The following KATNA1 variants were observed in gnomAD, a reference collection of about 807,000 sequenced individuals.
The protein encoded by KATNA1 is katanin p60 ATPase-containing subunit A1.
Under a neutral mutation model 62.6 loss-of-function variants are expected in KATNA1, and 42 were observed. The ratio of observed to expected loss-of-function variants is 0.67; its 90% CI spans 0.52 to 0.87. The LOEUF is 0.87. KATNA1 is among the 40% of genes least tolerant of loss of function. The probability of loss-of-function intolerance (pLI) is 0.00; values close to 1 mark genes in which losing one functional copy is unlikely to be tolerated. For synonymous variants in KATNA1, 186 were observed against 201.9 expected, an observed-to-expected ratio of 0.92 and a Z score of 0.67; for missense variants, 498 against 612.5, an observed-to-expected ratio of 0.81 and a Z score of 1.97.
Position 149,632,754 on chromosome 6 carries a change from C to G in KATNA1, c.320+5G>C. ...TAACTGGTTTCTTAAAAGGTTTCCA[C>G]TTACCTTCGTTCAACAGGTACAGGC... On this transcript the variant is annotated splice_donor_5th_base_variant and intron_variant, in intron 3 of 10. Transcript: ENST00000367411. 6.3e-7 allele frequency: 1 copy of G among 1,599,260 alleles called. No individual in the cohort carries two copies. The highest frequency in any genetic ancestry group is 8.5e-7 in the Non-Finnish European group (1 of 1,176,402).
At chr6:149,617,468 A>G (rs1779205398) in intron 4 of KATNA1, among the ~76,000 whole-genome samples, 1 of 152,260 alleles carries the variant, frequency 6.6e-6, no homozygotes, top group Admixed American at 6.5e-5. Flanking sequence ...ATACTTAGGT[A>G]TAAAAGCTAA....
intron 2 of KATNA1, 124 bp downstream of exon 2, chr6:149,638,262 C>T: frequency 1.1e-6 from 1 of 888,268 alleles, no homozygotes; most frequent in Middle Eastern, 2.4e-4. Context: ...GAGTGAGCCA[C>T]TGTGTACTGT....
At chr6:149,622,234 G>A (rs1022500609) in intron 4 of KATNA1, among the ~76,000 whole-genome samples, 4 of 151,696 alleles carry the variant, frequency 2.6e-5, no homozygotes, top group Non-Finnish European at 4.4e-5. Context: ...TCGGGTTCAC[G>A]CCATTCTCCT....
intron 4 of KATNA1, among the ~76,000 whole-genome samples, chr6:149,608,427 C>T (rs1041377567): frequency 1.3e-5 from 2 of 152,164 alleles, no homozygotes; most frequent in East Asian, 3.9e-4. Context: ...GAAGCTTGCT[C>T]TTTCTAGGCA....
At chr6:149,620,350 G>A (rs1348247003) in intron 4 of KATNA1, among the ~76,000 whole-genome samples, 1 of 152,170 alleles carries the variant, frequency 6.6e-6, no homozygotes, top group East Asian at 1.9e-4. Context: ...CCAGGCTGGA[G>A]TGCAGTGGCG....
Position 149,632,853 on chromosome 6 carries a change from A to C in KATNA1, c.226T>G (p.Phe76Val), listed in dbSNP as rs1779903454. Reference protein sequence around the residue: ...VKDIMKTLESFKLDSTPLKAA... With the variant: ...VKDIMKTLESVKLDSTPLKAA... Reference sequence around the variant, plus strand: ...TTCAAGGGAGTGCTGTCCAGTTTAAAGCTCTCTAGTGTTTTCATGATATCT... The same window carrying C: ...TTCAAGGGAGTGCTGTCCAGTTTAACGCTCTCTAGTGTTTTCATGATATCT... The change falls in exon 3 of 11, where the codon TTT becomes GTT. Residue 76 changes from phenylalanine to valine, a missense_variant. Around this residue, in one of 3 missense-constraint regions of KATNA1, gnomAD observed 203 missense variants for 198.4 expected, o/e 1.02. Transcript: ENST00000367411. 1.2e-6 allele frequency: 2 copies of C among 1,613,364 alleles called. No individual in the cohort carries two copies. The highest frequency in any genetic ancestry group is 2.7e-5 in the African/African-American group (2 of 74,866).
Position 149,600,194 on chromosome 6 carries a change from T to TAAA in KATNA1, c.888+1397_888+1399dup, listed in dbSNP as rs67468519. On this transcript the variant is annotated intron_variant, in intron 7 of 10. Transcript: ENST00000367411. ...TGTGCAATATAGTGAGAGCTTATCT[T>TAAA]AAAAAAAAAAAAAAAAAAAAAAAAA... is the stretch of plus-strand genomic sequence containing the variant. Among the ~76,000 whole-genome samples, 424 of 67,978 alleles carry TAAA rather than the reference T, an allele frequency of 6.2e-3. 16 individuals are homozygous for TAAA. The highest frequency in any genetic ancestry group is 0.018 in the Admixed American group (89 of 4,820). The allele number at this position is 67,978 out of a possible 152,430, so 44.6% of individuals were successfully genotyped here. A position where few individuals can be genotyped will look rare whatever the true frequency, so the allele number is the denominator to read the frequency against.
At chr6:149,622,789 A>G (rs1339938670) in intron 4 of KATNA1, among the ~76,000 whole-genome samples, 1 of 151,474 alleles carries the variant, frequency 6.6e-6, no homozygotes, top group Non-Finnish European at 1.5e-5. Context: ...GCGCGCAGAT[A>G]ACCTGAGGTA....
chr6:149,614,961 C>T (rs902582702), intron 4 of KATNA1, among the ~76,000 whole-genome samples: 2 of 151,740 alleles, frequency 1.3e-5, no homozygotes, highest in African/African-American at 2.4e-5. Context: ...ATGGTGAAAC[C>T]GTCTCTACTA....
At chr6:149,625,919 G>GC (rs1251025378) in intron 3 of KATNA1, among the ~76,000 whole-genome samples, 1 of 139,148 alleles carries the variant, frequency 7.2e-6, no homozygotes, top group Non-Finnish European at 1.5e-5. Flanking sequence ...GGGTGACAGA[G>GC]CGAGACTCCA....
intron 4 of KATNA1, among the ~76,000 whole-genome samples, chr6:149,615,738 A>G (rs1490767832): frequency 6.6e-6 from 1 of 152,152 alleles, no homozygotes; most frequent in African/African-American, 2.4e-5. Flanking sequence ...GCATTATGAT[A>G]TAGTACACTG....
chr6:149,642,709 A>G (rs971079032), intron 1 of KATNA1, among the ~76,000 whole-genome samples: 1 of 152,252 alleles, frequency 6.6e-6, no homozygotes, highest in Non-Finnish European at 1.5e-5. Context: ...GTCATTTTAT[A>G]AATTAAAAAT....
chr6:149,597,276 G>C, intron 9 of KATNA1, 87 bp from the exon 10 acceptor site: 1 of 1,408,504 alleles, frequency 7.1e-7, no homozygotes, highest in South Asian at 1.3e-5. Flanking sequence ...GTGAGATGTT[G>C]TCTTCCAGTA....
At chr6:149,620,178 G>C (rs1478225913) in intron 4 of KATNA1, among the ~76,000 whole-genome samples, 1 of 152,148 alleles carries the variant, frequency 6.6e-6, no homozygotes. Flanking sequence ...GGTTACTAGA[G>C]GCTGGGATGG....
chr6:149,629,392 G>A (rs1022330229), intron 3 of KATNA1, among the ~76,000 whole-genome samples: 2 of 152,112 alleles, frequency 1.3e-5, no homozygotes, highest in African/African-American at 4.8e-5. Context: ...GTCTGCTCAG[G>A]AAGAGAGCCC....
chr6:149,614,843 C>T (rs1383056886), intron 4 of KATNA1, among the ~76,000 whole-genome samples: 1 of 152,088 alleles, frequency 6.6e-6, no homozygotes, highest in Non-Finnish European at 1.5e-5. Context: ...ACTGCAAAAA[C>T]TCAACTAAAT....
chr6:149,597,285 T>C, intron 9 of KATNA1, 96 bp from the exon 10 acceptor site: 1 of 1,364,438 alleles, frequency 7.3e-7, no homozygotes, highest in Non-Finnish European at 1.0e-6. Context: ...TGTCTTCCAG[T>C]AAGAATTGGA....
At chr6:149,628,695 C>G (rs1779715670) in intron 3 of KATNA1, among the ~76,000 whole-genome samples, 1 of 151,760 alleles carries the variant, frequency 6.6e-6, no homozygotes, top group African/African-American at 2.4e-5. Context: ...TGGCACACAC[C>G]TGTAGTCCCA....
At chr6:149,630,169 T>G (rs968811651) in intron 3 of KATNA1, among the ~76,000 whole-genome samples, 1 of 152,252 alleles carries the variant, frequency 6.6e-6, no homozygotes, top group East Asian at 1.9e-4. Flanking sequence ...TTTTCTATTT[T>G]TCTTTAATGA....
Sources: gnomAD v4.1 joint callset for allele counts (sites outside exome capture counted in the v4.1 genomes callset) on GRCh38, gnomAD v4.1.1 for gene constraint, gnomAD v4.1.1 regional missense constraint, MANE v1.5 for transcripts, NCBI Gene and HGNC (gene_info 2026-07-23, HGNC 2026-07-21) for gene names.